The following ASIC2 variants were observed in gnomAD, a reference collection of about 807,000 sequenced individuals.
The protein encoded by ASIC2 is acid sensing ion channel subunit 2.
Under a neutral mutation model 57.3 loss-of-function variants are expected in ASIC2, and 25 were observed. The ratio of observed to expected loss-of-function variants is 0.44; its 90% CI spans 0.32 to 0.61. The LOEUF is 0.61. ASIC2 is among the 20% of genes least tolerant of loss of function. ASIC2 has a pLI of 0.06. For missense variants in ASIC2, 641 were observed against 738.1 expected, an observed-to-expected ratio of 0.87 and a Z score of 1.52; for synonymous variants, 319 against 307.5, an observed-to-expected ratio of 1.04 and a Z score of -0.39.
intron 1 of ASIC2, among the ~76,000 whole-genome samples, chr17:33,368,379 G>A (rs932396804): frequency 1.3e-5 from 2 of 152,184 alleles, no homozygotes; most frequent in Non-Finnish European, 2.9e-5. Flanking sequence ...CCACCAATGG[G>A]TGAAACTTCA....
intron 1 of ASIC2, among the ~76,000 whole-genome samples, chr17:34,096,944 G>C (rs1332555022): frequency 6.7e-6 from 1 of 149,980 alleles, no homozygotes; most frequent in Non-Finnish European, 1.5e-5. Flanking sequence ...CAACAGGGTA[G>C]TGGTCCTCAA....
intron 1 of ASIC2, among the ~76,000 whole-genome samples, chr17:33,678,734 C>A (rs1185363858): frequency 6.6e-6 from 1 of 152,076 alleles, no homozygotes; most frequent in East Asian, 1.9e-4. Flanking sequence ...GTACCAGGTG[C>A]ACAGGAGCAG....
intron 1 of ASIC2, among the ~76,000 whole-genome samples, chr17:33,828,799 A>G (rs919971007): frequency 3.9e-5 from 6 of 152,228 alleles, no homozygotes; most frequent in African/African-American, 1.2e-4. Flanking sequence ...AACAATTCTG[A>G]AAATTCTGAC....
At chr17:33,436,236 T>C (rs1051277208) in intron 1 of ASIC2, among the ~76,000 whole-genome samples, 1 of 152,242 alleles carries the variant, frequency 6.6e-6, no homozygotes, top group African/African-American at 2.4e-5. Context: ...TGAAACTGCC[T>C]TTGTAAGACT....
chr17:33,266,657 C>T (rs138423082), intron 1 of ASIC2, among the ~76,000 whole-genome samples: 363 of 151,280 alleles, frequency 2.4e-3, no homozygotes, highest in Admixed American at 5.2e-3. Context: ...CCCCCTTACA[C>T]GTGCATCCCC....
chr17:34,039,798 A>T (rs180697560), intron 1 of ASIC2: 1 of 1,610,238 alleles, frequency 6.2e-7, no homozygotes, highest in African/African-American at 1.3e-5. Flanking sequence ...GTCCCTTACT[A>T]ACACCTACTC....
At chr17:33,273,946 T>A (rs1904605946) in intron 1 of ASIC2, among the ~76,000 whole-genome samples, 1 of 152,212 alleles carries the variant, frequency 6.6e-6, no homozygotes, top group Admixed American at 6.5e-5. Context: ...GGTCATCATT[T>A]TTATTCCTTG....
intron 1 of ASIC2, among the ~76,000 whole-genome samples, chr17:34,012,038 A>ACCTCCCTCCTT (rs1357124599): frequency 6.6e-6 from 1 of 151,268 alleles, no homozygotes; most frequent in Non-Finnish European, 1.5e-5. Context: ...TTCTGCCACC[A>ACCTCCCTCCTT]CCTCCCTCCT....
chr17:33,413,767 A>G (rs1009853128), intron 1 of ASIC2, among the ~76,000 whole-genome samples: 2 of 152,188 alleles, frequency 1.3e-5, no homozygotes, highest in African/African-American at 4.8e-5. Flanking sequence ...TCTCAGAGAA[A>G]ACTTCTATGA....
chr17:33,690,849 A>AG (rs1908343505), intron 1 of ASIC2, among the ~76,000 whole-genome samples: 1 of 140,356 alleles, frequency 7.1e-6, no homozygotes, highest in Non-Finnish European at 1.5e-5. Flanking sequence ...TCCCAGATTC[A>AG]CGCCATTCTC....
chr17:33,115,905 C>T (rs547518259), intron 1 of ASIC2, among the ~76,000 whole-genome samples: 1 of 152,280 alleles, frequency 6.6e-6, no homozygotes, highest in South Asian at 2.1e-4. Context: ...CCTTGTGCAC[C>T]TCCAGGAAAT....
At chr17:33,227,135 G>A (rs1000370587) in intron 1 of ASIC2, among the ~76,000 whole-genome samples, 2 of 152,190 alleles carry the variant, frequency 1.3e-5, no homozygotes, top group East Asian at 1.9e-4. Context: ...GCTTGGCAGC[G>A]AGGCCCAAGG....
intron 3 of ASIC2, among the ~76,000 whole-genome samples, chr17:33,043,966 T>G (rs1278028864): frequency 6.6e-6 from 1 of 152,166 alleles, no homozygotes; most frequent in Non-Finnish European, 1.5e-5. Context: ...TTGTGATGAA[T>G]AAAATAATAA....
At chr17:34,051,384 G>A (rs1040183150) in intron 1 of ASIC2, among the ~76,000 whole-genome samples, 2 of 152,192 alleles carry the variant, frequency 1.3e-5, no homozygotes, top group African/African-American at 4.8e-5. Context: ...TTTCAGCTGT[G>A]CACCTTTGGG....
At chr17:33,639,865 A>G (rs1360823434) in intron 1 of ASIC2, among the ~76,000 whole-genome samples, 5 of 152,184 alleles carry the variant, frequency 3.3e-5, no homozygotes, top group Non-Finnish European at 7.3e-5. Flanking sequence ...AGCCTCCAAA[A>G]AACATCAATG....
At chr17:33,280,303 A>G (rs1904888493) in intron 1 of ASIC2, among the ~76,000 whole-genome samples, 1 of 152,230 alleles carries the variant, frequency 6.6e-6, no homozygotes, top group African/African-American at 2.4e-5. Flanking sequence ...CTCATAGAAT[A>G]TTCAACAACA....
At chr17:33,745,353 A>T (rs539107687) in intron 1 of ASIC2, among the ~76,000 whole-genome samples, 74 of 152,262 alleles carry the variant, frequency 4.9e-4, no homozygotes, top group African/African-American at 1.7e-3. Flanking sequence ...GTAAAAAGAG[A>T]TAGGAGCAGA....
At chr17:33,808,413 G>A (rs1912328517) in intron 1 of ASIC2, among the ~76,000 whole-genome samples, 1 of 152,152 alleles carries the variant, frequency 6.6e-6, no homozygotes, top group Non-Finnish European at 1.5e-5. Flanking sequence ...TACCACATGT[G>A]TCTTAATCAC....
At chr17:33,507,356 TCTGTGGTTTCATC>T (rs1914296469) in intron 1 of ASIC2, among the ~76,000 whole-genome samples, 1 of 152,190 alleles carries the variant, frequency 6.6e-6, no homozygotes, top group Non-Finnish European at 1.5e-5. Flanking sequence ...AAATCATCGC[TCTGTGGTTTCATC>T]CTGGGGAAGT....
Sources: allele counts gnomAD v4.1 joint callset (sites outside exome capture counted in the v4.1 genomes callset), GRCh38; gene constraint gnomAD v4.1.1; transcripts MANE v1.5; gene names NCBI Gene and HGNC (gene_info 2026-07-23, HGNC 2026-07-21).